Variants in PTP4A1 observed in about 807,000 individuals in gnomAD.
The protein encoded by PTP4A1 is protein tyrosine phosphatase type IVA 1.
In PTP4A1, 9 loss-of-function variants were observed where a neutral mutation model predicts 20.5. The observed-to-expected ratio is 0.44, with a 90% CI of 0.26 to 0.77. The LOEUF is 0.77. Among genes scored for constraint, PTP4A1 ranks in the 30% least tolerant of loss-of-function variants. The pLI, the probability that PTP4A1 is intolerant of heterozygous loss-of-function variation, is 0.19. For synonymous variants in PTP4A1, 78 were observed against 67.4 expected, an observed-to-expected ratio of 1.16 and a Z score of -0.77; for missense variants, 137 against 218.8, an observed-to-expected ratio of 0.63 and a Z score of 2.36.
At chr6:63,558,372 G>C (rs1776778087) in intron 3 of PTP4A1, among the ~76,000 whole-genome samples, 2 of 152,052 alleles carry the variant, frequency 1.3e-5, no homozygotes, top group South Asian at 4.2e-4. Flanking sequence ...TTAGAAGGAG[G>C]GGGACAATCT....
At chr6:63,578,868 C>T (rs939945408) in intron 3 of PTP4A1, 30 bp from the exon 4 acceptor site, 2 of 1,480,728 alleles carry the variant, frequency 1.4e-6, no homozygotes, top group East Asian at 4.7e-5. Context: ...TATTAATGAT[C>T]TAAAATGTTT....
chr6:63,524,255 G>A (rs1775067337), intron 1 of PTP4A1, among the ~76,000 whole-genome samples: 1 of 152,108 alleles, frequency 6.6e-6, no homozygotes, highest in South Asian at 2.1e-4. Flanking sequence ...AAATTGCTGG[G>A]ATTACAGACG....
At chr6:63,529,173 A>G (rs1260537667) in intron 2 of PTP4A1, among the ~76,000 whole-genome samples, 1 of 147,430 alleles carries the variant, frequency 6.8e-6, no homozygotes, top group East Asian at 2.0e-4. Context: ...GTATATATAT[A>G]TATGTATATA....
At chr6:63,520,300 T>C (rs796605145), upstream of PTP4A1, among the ~76,000 whole-genome samples, 32 of 152,298 alleles carry the variant, frequency 2.1e-4, no homozygotes, top group African/African-American at 7.5e-4. Flanking sequence ...TCAATTAACA[T>C]TGCTAATGAA....
chr6:63,536,836 A>C lies in PTP4A1; in HGVS notation c.-640+8752A>C, dbSNP rs147265918. Among the ~76,000 whole-genome samples, 4 of 152,244 alleles carry C rather than the reference A, an allele frequency of 2.6e-5. No individual in the cohort carries two copies. The East Asian group carries it at 7.7e-4, about 29-fold the overall frequency. ...ACATTTAAACTATAACATATTTGAT[A>C]GTCTTAGCAGCATAGTCTTTTTGTA... On this transcript the variant is annotated intron_variant, in intron 2 of 3. Coordinates refer to the PTP4A1 transcript ENST00000639568.
Position 63,579,348 on chromosome 6 carries a change from C to T in PTP4A1, c.404+17C>T. The T allele has an allele frequency of 2.6e-6, 4 of 1,558,508 alleles. No individual in the cohort carries two copies. The highest frequency in any genetic ancestry group is 3.5e-6 in the Non-Finnish European group (4 of 1,140,592). ...CATAAGACAGTAAGTAATGGATTCT[C>T]TTTTCATTTGTACTCTCTTTCATTT... On this transcript the variant is annotated intron_variant, in intron 5 of 5. Transcript: ENST00000626021.
chr6:63,531,500 A>G (rs986425665), intron 2 of PTP4A1, among the ~76,000 whole-genome samples: 2 of 150,620 alleles, frequency 1.3e-5, no homozygotes, highest in African/African-American at 4.9e-5. Context: ...TTCCTGACCC[A>G]TATCTATTAT....
chr6:63,518,245 C>T (rs1213746368), upstream of PTP4A1, among the ~76,000 whole-genome samples: 1 of 151,518 alleles, frequency 6.6e-6, no homozygotes, highest in Non-Finnish European at 1.5e-5. Context: ...AACTTTATTG[C>T]TGCCAGAGCA....
intron 2 of PTP4A1, among the ~76,000 whole-genome samples, chr6:63,547,467 G>C (rs1482343153): frequency 6.7e-6 from 1 of 150,078 alleles, no homozygotes; most frequent in African/African-American, 2.5e-5. Flanking sequence ...TGGGATTACA[G>C]GCGTCTGCCA....
upstream of PTP4A1, among the ~76,000 whole-genome samples, chr6:63,520,447 C>T (rs994928580): frequency 9.9e-5 from 15 of 151,840 alleles, no homozygotes; most frequent in African/African-American, 3.4e-4. Context: ...GCCAATGTGG[C>T]AAAACCCCAT....
chr6:63,551,242 T>C (rs1325197303), intron 3 of PTP4A1, among the ~76,000 whole-genome samples: 3 of 151,956 alleles, frequency 2.0e-5, no homozygotes, highest in African/African-American at 7.3e-5. Flanking sequence ...GTTTTTGTAT[T>C]TTTAGTAGAG....
chr6:63,572,891 C>T (rs1441342065), intron 1 of PTP4A1, among the ~76,000 whole-genome samples, 172 bp downstream of exon 1: 1 of 152,064 alleles, frequency 6.6e-6, no homozygotes, highest in Admixed American at 6.5e-5. Context: ...CGGCCGATTG[C>T]GGCCGGCTGT....
upstream of PTP4A1, among the ~76,000 whole-genome samples, chr6:63,520,400 G>A (rs1359450402): frequency 6.6e-6 from 1 of 152,162 alleles, no homozygotes; most frequent in Non-Finnish European, 1.5e-5. Flanking sequence ...ACTGAGGCGG[G>A]CGGATCACTT....
rs568589479 is a variant in PTP4A1 at position 63,549,316 on chromosome 6, G to A, written c.-639-984G>A. On this transcript the variant is annotated intron_variant, in intron 2 of 3. Coordinates refer to the PTP4A1 transcript ENST00000639568. Reference sequence around the variant, plus strand: ...CACTTACAGAGGATGGCTCTCTGCCGCTGCAACCTGATATAGTGGGGGCCA... The same window carrying A: ...CACTTACAGAGGATGGCTCTCTGCCACTGCAACCTGATATAGTGGGGGCCA... The A allele has an allele frequency of 1.1e-4, 85 of 752,726 alleles. 1 individual carries two copies. The highest frequency in any genetic ancestry group is 8.3e-4 in the Admixed American group (48 of 57,636). The allele number at this position is 752,726 out of a possible 1,614,324, so 46.6% of individuals were successfully genotyped here.
intron 3 of PTP4A1, among the ~76,000 whole-genome samples, chr6:63,564,500 A>G (rs1380345900): frequency 6.6e-6 from 1 of 152,126 alleles, no homozygotes; most frequent in Non-Finnish European, 1.5e-5. Flanking sequence ...GTTCAACAAC[A>G]TTTCTCCTTA....
intron 2 of PTP4A1, among the ~76,000 whole-genome samples, chr6:63,543,702 A>G (rs1214694300): frequency 6.6e-6 from 1 of 152,142 alleles, no homozygotes; most frequent in Non-Finnish European, 1.5e-5. Flanking sequence ...ATAAACCCTA[A>G]TCTTTACTGA....
In PTP4A1 at chr6:63,576,738, C is replaced by A. The variant is rs1777888046; in HGVS notation, c.-143C>A. The A allele has an allele frequency of 3.0e-6, 2 of 658,480 alleles. No homozygotes were observed. Among genetic ancestry groups the A allele is most frequent in the Non-Finnish European group, 5.2e-6 (2 of 384,192 alleles). The allele number at this position is 658,480 out of a possible 1,614,324, so 40.8% of individuals were successfully genotyped here. A position where few individuals can be genotyped will look rare whatever the true frequency, so the allele number is the denominator to read the frequency against. Reference sequence around the variant, plus strand: ...TTGTTAGGAGGTTCATTTCACTTATCATTACTTACAACTTCATACTCAAAG... The same window carrying A: ...TTGTTAGGAGGTTCATTTCACTTATAATTACTTACAACTTCATACTCAAAG... On this transcript the variant is annotated 5_prime_UTR_variant, in exon 2 of 6. Transcript: ENST00000626021.
chr6:63,539,328 A>T (rs1775853871), intron 2 of PTP4A1, among the ~76,000 whole-genome samples: 1 of 152,252 alleles, frequency 6.6e-6, no homozygotes, highest in Non-Finnish European at 1.5e-5. Flanking sequence ...AACCTGAAGG[A>T]TTAAACATTA....
In PTP4A1 at chr6:63,581,094, A is replaced by G. The variant is rs1347822918; in HGVS notation, c.*920A>G. On this transcript the variant is annotated 3_prime_UTR_variant, in exon 6 of 6. Coordinates refer to ENST00000626021, the MANE Select transcript of PTP4A1 (RefSeq NM_003463.5). ...CTGAAATTCTTGTAATTTTTTTCCC[A>G]TACTTATCAGAAGTGTGTTTACCAA... 2 of 152,048 alleles carry G rather than the reference A, an allele frequency of 1.3e-5. No homozygotes were observed. Among genetic ancestry groups the G allele is most frequent in the Non-Finnish European group, 2.9e-5 (2 of 67,970 alleles). The allele number at this position is 152,048 out of a possible 1,614,324, so 9.4% of individuals were successfully genotyped here. A position where few individuals can be genotyped will look rare whatever the true frequency, so the allele number is the denominator to read the frequency against.
Sources: allele counts gnomAD v4.1 joint callset (sites outside exome capture counted in the v4.1 genomes callset), GRCh38; gene constraint gnomAD v4.1.1; transcripts MANE v1.5; gene names NCBI Gene and HGNC (gene_info 2026-07-23, HGNC 2026-07-21).